Variants in ELOVL6 observed in about 807,000 individuals in gnomAD.
The protein encoded by ELOVL6 is very long chain fatty acid elongase 6.
In ELOVL6, 8 loss-of-function variants were observed where a neutral mutation model predicts 31.7. The ratio of observed to expected loss-of-function variants is 0.25; its 90% CI spans 0.15 to 0.45. ELOVL6 has a LOEUF of 0.45. Ranked by LOEUF, ELOVL6 falls within the 20% of genes least tolerant of loss-of-function variation. ELOVL6 has a pLI of 1.00. For missense variants in ELOVL6, 126 were observed against 326.4 expected (o/e 0.39, Z 4.73); for synonymous variants, 101 against 117.7 (o/e 0.86, Z 0.92).
chr4:110,103,905 C>G (rs1168097672), intron 2 of ELOVL6, among the ~76,000 whole-genome samples: 1 of 152,088 alleles, frequency 6.6e-6, no homozygotes, highest in Non-Finnish European at 1.5e-5. Context: ...GATCATAATA[C>G]TGTGTTTGCT....
intron 1 of ELOVL6, among the ~76,000 whole-genome samples, chr4:110,174,918 T>C (rs1181095337): frequency 2.0e-5 from 3 of 152,182 alleles, no homozygotes; most frequent in Admixed American, 1.3e-4. Context: ...TAGTATCCTA[T>C]GTATTAACTA....
chr4:110,174,997 GTA>G (rs1759058160), intron 1 of ELOVL6, among the ~76,000 whole-genome samples: 1 of 151,464 alleles, frequency 6.6e-6, no homozygotes, highest in Admixed American at 6.6e-5. Flanking sequence ...TAAATTCCAT[GTA>G]TGTTATAATT....
intron 1 of ELOVL6, among the ~76,000 whole-genome samples, chr4:110,143,611 C>A: frequency 6.6e-6 from 1 of 151,636 alleles, no homozygotes; most frequent in East Asian, 1.9e-4. Flanking sequence ...TTTCTACATA[C>A]AGACCTCCTA....
At chr4:110,061,751 T>G (rs1440687703) in intron 2 of ELOVL6, among the ~76,000 whole-genome samples, 1 of 151,942 alleles carries the variant, frequency 6.6e-6, no homozygotes, top group Non-Finnish European at 1.5e-5. Context: ...AGAGATGGGG[T>G]TTCACTATGT....
At chr4:110,166,660 G>C (rs751131698) in intron 1 of ELOVL6, among the ~76,000 whole-genome samples, 2 of 152,162 alleles carry the variant, frequency 1.3e-5, no homozygotes, top group Non-Finnish European at 2.9e-5. Flanking sequence ...GCTGCCAGAA[G>C]GCAATGAACA....
At chr4:110,085,433 A>G (rs1756231253) in intron 2 of ELOVL6, among the ~76,000 whole-genome samples, 1 of 152,226 alleles carries the variant, frequency 6.6e-6, no homozygotes. Context: ...CAGAGGCACA[A>G]TTAAGAAATG....
At chr4:110,090,992 G>T (rs1345840377) in intron 2 of ELOVL6, among the ~76,000 whole-genome samples, 1 of 152,114 alleles carries the variant, frequency 6.6e-6, no homozygotes, top group Non-Finnish European at 1.5e-5. Flanking sequence ...AAATACAGAA[G>T]GTATTATAAA....
chr4:110,174,967 C>A (rs1759055354), intron 1 of ELOVL6, among the ~76,000 whole-genome samples: 1 of 151,478 alleles, frequency 6.6e-6, no homozygotes, highest in African/African-American at 2.4e-5. Context: ...ATTTTACGGA[C>A]CAAATAATCT....
chr4:110,096,883 G>A (rs1406636205), intron 2 of ELOVL6, among the ~76,000 whole-genome samples: 1 of 152,120 alleles, frequency 6.6e-6, no homozygotes, highest in African/African-American at 2.4e-5. Context: ...GTGAATGTGT[G>A]TATAGGTTAA....
intron 1 of ELOVL6, among the ~76,000 whole-genome samples, chr4:110,172,248 T>C (rs1366348742): frequency 1.3e-5 from 2 of 152,180 alleles, no homozygotes; most frequent in African/African-American, 4.8e-5. Context: ...AGTGGATGTC[T>C]GCTGCAGAAT....
chr4:110,070,670 C>T (rs1337430852), intron 2 of ELOVL6, among the ~76,000 whole-genome samples: 1 of 152,132 alleles, frequency 6.6e-6, no homozygotes, highest in East Asian at 1.9e-4. Context: ...TGGACTTCCC[C>T]CTTGCCGTTC....
chr4:110,078,661 C>A (rs1271100867), intron 2 of ELOVL6, among the ~76,000 whole-genome samples: 1 of 152,176 alleles, frequency 6.6e-6, no homozygotes, highest in African/African-American at 2.4e-5. Context: ...ACCATTGAGG[C>A]TAGGAAGAAA....
At chr4:110,064,955 G>C (rs1285752123) in intron 2 of ELOVL6, among the ~76,000 whole-genome samples, 1 of 152,124 alleles carries the variant, frequency 6.6e-6, no homozygotes, top group African/African-American at 2.4e-5. Context: ...ATTAGCACTC[G>C]GGGAGAAAAG....
chr4:110,103,110 C>G (rs1040987551), intron 2 of ELOVL6, among the ~76,000 whole-genome samples: 1 of 152,124 alleles, frequency 6.6e-6, no homozygotes, highest in African/African-American at 2.4e-5. Context: ...TTATACCTCC[C>G]GCCATGATTC....
intron 1 of ELOVL6, among the ~76,000 whole-genome samples, chr4:110,189,875 G>A (rs1190637864): frequency 6.6e-6 from 1 of 151,552 alleles, no homozygotes; most frequent in Non-Finnish European, 1.5e-5. Flanking sequence ...GCTGAGGCAG[G>A]AGAATGGTGT....
chr4:110,190,953 G>C (rs1759598106), intron 1 of ELOVL6, among the ~76,000 whole-genome samples: 1 of 151,678 alleles, frequency 6.6e-6, no homozygotes, highest in African/African-American at 2.4e-5. Flanking sequence ...AGAGTAGCTG[G>C]GACTACAGGT....
chr4:110,100,490 G>A (rs994523791), intron 2 of ELOVL6, among the ~76,000 whole-genome samples: 5 of 151,030 alleles, frequency 3.3e-5, no homozygotes, highest in Admixed American at 2.0e-4. Flanking sequence ...TCTTTTGTTT[G>A]TTTTTTTTTA....
chr4:110,179,672 T>C (rs1390398509), intron 1 of ELOVL6, among the ~76,000 whole-genome samples: 1 of 152,224 alleles, frequency 6.6e-6, no homozygotes, highest in Non-Finnish European at 1.5e-5. Context: ...ACTTAATTTA[T>C]ATAATGCTTT....
At chr4:110,114,737 T>C (rs889030342) in intron 1 of ELOVL6, among the ~76,000 whole-genome samples, 5 of 152,204 alleles carry the variant, frequency 3.3e-5, no homozygotes, top group African/African-American at 1.2e-4. Context: ...CTATCAGAGC[T>C]GGAGGCTAAA....
Sources: gnomAD v4.1 joint callset for allele counts (sites outside exome capture counted in the v4.1 genomes callset) on GRCh38, gnomAD v4.1.1 for gene constraint, MANE v1.5 for transcripts, NCBI Gene and HGNC (gene_info 2026-07-23, HGNC 2026-07-21) for gene names.